Variants in ARHGEF18 observed in about 807,000 individuals in gnomAD.
ARHGEF18 encodes the protein rho guanine nucleotide exchange factor 18.
ARHGEF18 carries 93 observed loss-of-function variants against 155.7 expected under a neutral mutation model. The ratio of observed to expected loss-of-function variants is 0.60; its 90% CI spans 0.50 to 0.71. The LOEUF is 0.71. ARHGEF18 is among the 30% of genes least tolerant of loss of function. The pLI is 0.00. For synonymous variants in ARHGEF18, 742 were observed against 753.1 expected (o/e 0.99, Z 0.24); for missense variants, 1,593 against 1,816.1 (o/e 0.88, Z 2.23).
rs142978632 is a variant in ARHGEF18, at chr19:7,415,983, G to A, written c.968-24361G>A. The stretch of plus-strand genomic sequence containing the variant: ...CACACAGGTTCCCAGCTGAGGCTGA[G>A]CGAGGCGACACTCCACCTTCTCGTT... On this transcript the variant is annotated intron_variant, in intron 10 of 28. Coordinates refer to ENST00000668164, the MANE Select transcript of ARHGEF18 (RefSeq NM_001367823.1). Among the ~76,000 whole-genome samples the A allele has an allele frequency of 3.4e-3, 521 of 152,304 alleles. 1 individual carries two copies. Among genetic ancestry groups the A allele is most frequent in the African/African-American group, 0.012 (494 of 41,566 alleles).
At position 7,449,228 on chromosome 19, in the gene ARHGEF18, C is replaced by T. The variant is rs968529324; in HGVS notation, c.1738-1921C>T. On this transcript the variant is annotated intron_variant, in intron 15 of 28. Coordinates refer to ENST00000668164, the MANE Select transcript of ARHGEF18 (RefSeq NM_001367823.1). ...ACAAGCAGAAAATGTGCTATGCTCC[C>T]GAGAGAGTGTCAGGTGACCCCTTTT... 9.9e-5 allele frequency among the ~76,000 whole-genome samples: 15 copies of T among 152,074 alleles called. No individual in the cohort carries two copies. In the East Asian group the frequency reaches 1.6e-3, roughly 16 times the overall value.
At chr19:7,467,167 T>C (rs780156828) in intron 25 of ARHGEF18, 47 bp from the exon 26 acceptor site, 2 of 1,578,014 alleles carry the variant, frequency 1.3e-6, no homozygotes, top group Admixed American at 3.4e-5. Context: ...CCTGGTTGGC[T>C]GGGGCGCAGG....
chr19:7,390,547 GAA>G (rs1236060837), intron 10 of ARHGEF18: 1 of 138,812 alleles, frequency 7.2e-6, no homozygotes, highest in Admixed American at 7.2e-5. Context: ...GAAAAGAAAA[GAA>G]AGAAAAATGA....
At chr19:7,466,838 AGAAG>A in intron 23 of ARHGEF18, 76 bp from the exon 24 acceptor site, 1 of 1,122,404 alleles carries the variant, frequency 8.9e-7, no homozygotes, top group Non-Finnish European at 1.3e-6. Context: ...TTAAAAAAAA[AGAAG>A]AAGAAGAAGA....
Position 7,467,353 on chromosome 19 carries a change from G to A in ARHGEF18, c.3149G>A (p.Arg1050Gln), listed in dbSNP as rs1568366954. 6.5e-7 allele frequency: 1 copy of A among 1,536,260 alleles called. No individual in the cohort carries two copies. The highest frequency in any genetic ancestry group is 8.7e-7 in the Non-Finnish European group (1 of 1,146,562). The change falls in exon 26 of 29, where the codon CGG becomes CAG. Residue 1050 changes from arginine to glutamine, a missense_variant. Arg to Gln is a conservative substitution (Grantham distance 43). Transcript: ENST00000668164. The stretch of plus-strand genomic sequence containing the variant: ...CGGCAACGCAACTTCGAGAAGCAGC[G>A]GGAGGAGCGCGCGGCCCTGGAGAAG... ...QERQRNFEKQ[R>Q]EERAALEKLQ...
chr19:7,467,460 G>A lies in ARHGEF18; in HGVS notation c.3256G>A (p.Ala1086Thr), dbSNP rs1254143715. Reference sequence around the variant, plus strand: ...GCACCAGGAGCTGGAGCGTGCGGGCGCGCGGCTGCAGGAGCGCGAGGGCGA... The same window carrying A: ...GCACCAGGAGCTGGAGCGTGCGGGCACGCGGCTGCAGGAGCGCGAGGGCGA... ...WQHQELERAG[A>T]RLQEREGEAR... Residue 1086 changes from alanine (A) to threonine (T), a missense_variant, in exon 26 of 29, where the codon GCG (alanine) becomes ACG (threonine). Physicochemically the swap from Ala to Thr is moderately conservative, Grantham distance 58. Coordinates refer to ENST00000668164, the MANE Select transcript of ARHGEF18 (RefSeq NM_001367823.1). 9 of 1,504,792 alleles carry A rather than the reference G, an allele frequency of 6.0e-6. No homozygotes were observed. The highest frequency in any genetic ancestry group is 7.9e-6 in the Non-Finnish European group (9 of 1,134,460). 93.2% of individuals were successfully genotyped at this position (1,504,792 alleles called of 1,614,324 possible). A position where few individuals can be genotyped will look rare whatever the true frequency, so the allele number is the denominator to read the frequency against.
rs531379831 is a variant in ARHGEF18 at position 7,401,912 on chromosome 19, C to T, written c.967+18709C>T. 1.9e-4 allele frequency among the ~76,000 whole-genome samples: 29 copies of T among 152,216 alleles called. No homozygotes were observed. In the East Asian group the frequency reaches 4.1e-3, roughly 21 times the overall value. Reference sequence around the variant, plus strand: ...TTACTTGGCCATGAAAAAGAAGTTCCGATACAGAGATGGACCTGGAAAAAA... The same window carrying T: ...TTACTTGGCCATGAAAAAGAAGTTCTGATACAGAGATGGACCTGGAAAAAA... On this transcript the variant is annotated intron_variant, in intron 10 of 28. Transcript: ENST00000668164.
chr19:7,364,077 A>G (rs1969766303), intron 2 of ARHGEF18, among the ~76,000 whole-genome samples: 1 of 150,022 alleles, frequency 6.7e-6, no homozygotes, highest in East Asian at 2.0e-4. Context: ...TGGGTAATGG[A>G]TGGATGAATG....
intron 22 of ARHGEF18, 47 bp from the exon 23 acceptor site, chr19:7,464,513 C>T (rs758682917): frequency 1.3e-6 from 2 of 1,569,120 alleles, no homozygotes; most frequent in Middle Eastern, 1.7e-4. Context: ...GCTTCCCCCT[C>T]CCCACGGGAT....
downstream of ARHGEF18, among the ~76,000 whole-genome samples, chr19:7,475,180 C>A (rs1357234994): frequency 6.6e-6 from 1 of 152,096 alleles, no homozygotes; most frequent in Admixed American, 6.6e-5. Flanking sequence ...TGCAGTGAGC[C>A]GAGATCGCGC....
At chr19:7,473,325 C>T (rs1161083631), downstream of ARHGEF18, 1 of 454,658 alleles carries the variant, frequency 2.2e-6, no homozygotes, top group Non-Finnish European at 4.4e-6. Flanking sequence ...GAAGATGATG[C>T]AGGCCACGTG....
Position 7,440,591 on chromosome 19 carries a change from C to T in ARHGEF18, c.1106+109C>T. 9.8e-6 allele frequency: 13 copies of T among 1,328,584 alleles called. No individual in the cohort carries two copies. The highest frequency in any genetic ancestry group is 1.2e-5 in the Non-Finnish European group (12 of 992,888). The allele number at this position is 1,328,584 out of a possible 1,614,324, so 82.3% of individuals were successfully genotyped here. The stretch of plus-strand genomic sequence containing the variant: ...CGACTTAGATCTGTGTGAATCCACA[C>T]GGCAGCCCCCGTGCTAAGCAGAGAA... On this transcript the variant is annotated intron_variant, in intron 11 of 28. Coordinates refer to ENST00000668164, the MANE Select transcript of ARHGEF18 (RefSeq NM_001367823.1). The surrounding 1 kb of genome is among the most constrained non-coding windows in gnomAD (Gnocchi z 5.4).
intron 15 of ARHGEF18, among the ~76,000 whole-genome samples, chr19:7,449,419 CA>C (rs1468242623): frequency 6.6e-6 from 1 of 152,058 alleles, no homozygotes; most frequent in Non-Finnish European, 1.5e-5. Flanking sequence ...ACTAAAACTA[CA>C]AAAATTAGCC....
intron 10 of ARHGEF18, among the ~76,000 whole-genome samples, chr19:7,412,741 C>CA (rs35736055): frequency 0.59 from 75,121 of 128,036 alleles, 21,279 homozygotes; most frequent in Middle Eastern, 0.75. Context: ...GACTCTGTCT[C>CA]AAAAAAAAAA....
chr19:7,477,219 CGGCCT>C, downstream of ARHGEF18: 2 of 1,517,068 alleles, frequency 1.3e-6, no homozygotes, highest in Non-Finnish European at 8.8e-7. Flanking sequence ...GTAGTGGCCT[CGGCCT>C]GGCCGCCGGC....
At chr19:7,414,266 C>T (rs1972866854) in intron 10 of ARHGEF18, among the ~76,000 whole-genome samples, 1 of 152,100 alleles carries the variant, frequency 6.6e-6, no homozygotes, top group Non-Finnish European at 1.5e-5. Flanking sequence ...GGTAGAGAAT[C>T]GTTGGTCTAG....
At chr19:7,377,635 A>C (rs1970521624) in intron 5 of ARHGEF18, among the ~76,000 whole-genome samples, 1 of 151,762 alleles carries the variant, frequency 6.6e-6, no homozygotes, top group African/African-American at 2.4e-5. Flanking sequence ...AATACAAAAA[A>C]CAATTAGCCA....
intron 7 of ARHGEF18, among the ~76,000 whole-genome samples, chr19:7,380,104 G>A (rs897172642): frequency 4.6e-5 from 7 of 151,228 alleles, no homozygotes; most frequent in African/African-American, 1.7e-4. Flanking sequence ...GCTGAGTCCA[G>A]GCAGTGAAGG....
At chr19:7,415,352 C>T (rs937944492) in intron 10 of ARHGEF18, among the ~76,000 whole-genome samples, 2 of 152,070 alleles carry the variant, frequency 1.3e-5, no homozygotes. Flanking sequence ...CTCTGCCCCC[C>T]ACTTCATGGC....
Sources: gnomAD v4.1 joint callset for allele counts (sites outside exome capture counted in the v4.1 genomes callset) on GRCh38, gnomAD v4.1.1 for gene constraint, Gnocchi (gnomAD v3.1) non-coding constraint, MANE v1.5 for transcripts, NCBI Gene and HGNC (gene_info 2026-07-23, HGNC 2026-07-21) for gene names.